PDGFA: variants seen among roughly 807,000 people sequenced by gnomAD.
PDGFA encodes platelet derived growth factor subunit A, also known as platelet-derived growth factor subunit A.
In PDGFA, 9 loss-of-function variants were observed where a neutral mutation model predicts 25.6. That is an observed-to-expected ratio of 0.35 (90% CI 0.21 to 0.61). The LOEUF (loss-of-function observed/expected upper bound fraction) is 0.61, where lower values mean the gene tolerates loss of function less well. Ranked by LOEUF, PDGFA falls within the 20% of genes least tolerant of loss-of-function variation. PDGFA has a pLI of 0.75. For missense variants in PDGFA, 242 were observed against 272.8 expected, an observed-to-expected ratio of 0.89 and a Z score of 0.79; for synonymous variants, 133 against 111.8, an observed-to-expected ratio of 1.19 and a Z score of -1.20.
chr7:509,454 C>T (rs150983131), intron 4 of PDGFA, among the ~76,000 whole-genome samples: 452 of 152,244 alleles, frequency 3.0e-3, no homozygotes, highest in African/African-American at 0.01. Context: ...CCACGCCTGG[C>T]TAATTTTTGT....
In PDGFA at chr7:504,712, G is replaced by A. The variant is rs180706274; in HGVS notation, c.454-3470C>T. 4.0e-3 allele frequency among the ~76,000 whole-genome samples: 610 copies of A among 152,360 alleles called. 3 individuals are homozygous for A. The highest frequency in any genetic ancestry group is 0.014 in the South Asian group (68 of 4,834). ...GGGCAGGGCGCCCTGTTCTGCTCCC[G>A]GCCCTGACCCTCCGGATGGCACAGC... is the stretch of plus-strand genomic sequence containing the variant. On this transcript the variant is annotated intron_variant, in intron 4 of 5. Transcript: ENST00000402802.
intron 5 of PDGFA, 23 bp from the exon 6 acceptor site, chr7:498,597 G>C: frequency 6.2e-7 from 1 of 1,609,128 alleles, no homozygotes; most frequent in Non-Finnish European, 8.5e-7. Flanking sequence ...GGGAAAGACA[G>C]ACACTGAGAC....
exon 6 of PDGFA, chr7:497,959 C>CAAAAAAAA (rs1166606050): frequency 1.8e-5 from 1 of 56,688 alleles, no homozygotes; most frequent in Admixed American, 2.8e-4. Flanking sequence ...AAAAAAAAAA[C>CAAAAAAAA]AAAAAAAAAA....
At chr7:502,175 T>TCA (rs1782369622) in intron 4 of PDGFA, among the ~76,000 whole-genome samples, 1 of 152,094 alleles carries the variant, frequency 6.6e-6, no homozygotes, top group South Asian at 2.1e-4. Context: ...TGAGCTGGTA[T>TCA]CACACCACTG....
At chr7:499,159 G>A (rs1011699396) in intron 5 of PDGFA, among the ~76,000 whole-genome samples, 4 of 152,234 alleles carry the variant, frequency 2.6e-5, no homozygotes, top group Non-Finnish European at 5.9e-5. Flanking sequence ...TCTGTCACCA[G>A]CAGGCCCATG....
At chr7:518,020 C>T (rs1783187376) in intron 1 of PDGFA, among the ~76,000 whole-genome samples, 1 of 152,148 alleles carries the variant, frequency 6.6e-6, no homozygotes, top group African/African-American at 2.4e-5. Context: ...CGCAGACACA[C>T]ACACGCGCAC....
At chr7:497,955 AAAACAAAAAAAAAAAAAAC>A (rs1562481651) in exon 6 of PDGFA, 3 of 115,988 alleles carry the variant, frequency 2.6e-5, no homozygotes, top group Non-Finnish European at 5.4e-5. Flanking sequence ...AAAAAAAAAA[AAAACAAAAAAAAAAAAAAC>A]AAAACAAAAA....
chr7:504,686 C>T (rs1453287683), intron 4 of PDGFA, among the ~76,000 whole-genome samples: 1 of 152,346 alleles, frequency 6.6e-6, no homozygotes, highest in Middle Eastern at 3.4e-3. Context: ...GGGATGGGCT[C>T]GGGCAGGGCG....
chr7:503,113 T>G (rs977584171), intron 4 of PDGFA, among the ~76,000 whole-genome samples: 1 of 152,146 alleles, frequency 6.6e-6, no homozygotes, highest in Admixed American at 6.5e-5. Flanking sequence ...GAGGCAAGAC[T>G]GGCACCTCCA....
At chr7:510,219 C>G (rs1782738691) in intron 4 of PDGFA, among the ~76,000 whole-genome samples, 1 of 152,138 alleles carries the variant, frequency 6.6e-6, no homozygotes, top group Non-Finnish European at 1.5e-5. Context: ...GCCAGAGCAG[C>G]AGAGCAGAAG....
At chr7:519,951 G>A, upstream of PDGFA, 1 of 191,028 alleles carries the variant, frequency 5.2e-6, no homozygotes, top group Non-Finnish European at 1.0e-5. Flanking sequence ...CCGGGCCTGG[G>A]ACCCGCACCT....
chr7:520,110 GCCCA>G, upstream of PDGFA: 1 of 390,852 alleles, frequency 2.6e-6, no homozygotes, highest in Non-Finnish European at 5.1e-6. Flanking sequence ...CCTCGAGCTT[GCCCA>G]CCCTCCAGTG....
At chr7:501,445 G>T (rs1199356315) in intron 4 of PDGFA, among the ~76,000 whole-genome samples, 1 of 152,164 alleles carries the variant, frequency 6.6e-6, no homozygotes, top group African/African-American at 2.4e-5. Context: ...GTGTGTGTGT[G>T]TTTTAGTTTT....
intron 2 of PDGFA, among the ~76,000 whole-genome samples, chr7:514,207 A>T (rs1013008794): frequency 1.3e-5 from 2 of 152,176 alleles, no homozygotes; most frequent in Admixed American, 1.3e-4. Flanking sequence ...ATCCGAGGAA[A>T]CTGAGGCCCA....
At chr7:519,983 C>A, upstream of PDGFA, 1 of 337,674 alleles carries the variant, frequency 3.0e-6, no homozygotes, top group Admixed American at 3.8e-5. Flanking sequence ...GGGGTTCGTG[C>A]GGACCCGGCA....
At chr7:510,113 G>A (rs1467878262) in intron 4 of PDGFA, among the ~76,000 whole-genome samples, 5 of 152,172 alleles carry the variant, frequency 3.3e-5, no homozygotes, top group African/African-American at 4.8e-5. Context: ...GCCCGGGGAC[G>A]CCAGACAGCT....
intron 1 of PDGFA, among the ~76,000 whole-genome samples, chr7:518,178 C>G (rs905842263): frequency 3.3e-5 from 5 of 152,186 alleles, no homozygotes; most frequent in Non-Finnish European, 5.9e-5. Context: ...CGCAGCTCTC[C>G]GTGCCCTGCG....
chr7:520,351 G>C (rs1156429408), upstream of PDGFA: 1 of 168,318 alleles, frequency 5.9e-6, no homozygotes, highest in East Asian at 1.9e-4. Flanking sequence ...AAAAGGAGGG[G>C]GAGTCAGTCT....
intron 4 of PDGFA, among the ~76,000 whole-genome samples, chr7:505,329 C>T (rs191757800): frequency 2.6e-5 from 4 of 152,280 alleles, no homozygotes; most frequent in Admixed American, 1.3e-4. Flanking sequence ...CCAGACATTC[C>T]GATTCCCCAC....
Sources: gnomAD v4.1 joint callset for allele counts (sites outside exome capture counted in the v4.1 genomes callset) on GRCh38, gnomAD v4.1.1 for gene constraint, MANE v1.5 for transcripts, NCBI Gene and HGNC (gene_info 2026-07-23, HGNC 2026-07-21) for gene names.